Variants in PSMD1 observed in about 807,000 individuals in gnomAD.
PSMD1 encodes the protein 26S proteasome non-ATPase regulatory subunit 1.
In PSMD1, 18 loss-of-function variants were observed where a neutral mutation model predicts 119.0. That is an observed-to-expected ratio of 0.15 (90% CI 0.10 to 0.22). The LOEUF (loss-of-function observed/expected upper bound fraction) is 0.22, where lower values mean the gene tolerates loss of function less well. Ranked by LOEUF, PSMD1 falls within the 10% of genes least tolerant of loss-of-function variation. The pLI is 1.00. For missense variants in PSMD1, 702 were observed against 1,158.5 expected (o/e 0.61, Z 5.72); for synonymous variants, 374 against 396.6 (o/e 0.94, Z 0.68).
chr2:231,079,658 A>AT lies in PSMD1; in HGVS notation c.1239+44_1239+45insT, dbSNP rs1694257405. 3.1e-6 allele frequency: 4 copies of AT among 1,280,900 alleles called. No homozygotes were observed. The South Asian group carries it at 6.0e-5, about 19-fold the overall frequency. 79.3% of individuals were successfully genotyped at this position (1,280,900 alleles called of 1,614,324 possible). ...TGTATACAGGCATCAGAAAAGAAGT[A>AT]ATTTTTCTGGGGTTAAGAAAAAATA... On this transcript the variant is annotated intron_variant, in intron 11 of 24. Transcript: ENST00000308696.
At chr2:231,112,087 T>C (rs1437614290) in intron 16 of PSMD1, among the ~76,000 whole-genome samples, 1 of 152,190 alleles carries the variant, frequency 6.6e-6, no homozygotes, top group Non-Finnish European at 1.5e-5. Context: ...TTTTAATTAT[T>C]CTTAAGGATC....
rs1022529413 is a variant in PSMD1 at position 231,165,233 on chromosome 2, G to A, written c.2515G>A (p.Ala839Thr). The stretch of plus-strand genomic sequence containing the variant: ...TGCTGTATTATCTATAACTGCCAAG[G>A]CTAAAAAGAAGGAAAAAGAAAAGGA... ...STAVLSITAK[A>T]KKKEKEKEKK... is the part of the protein sequence containing the mutation. Residue 839 changes from alanine to threonine, a missense_variant, in exon 22 of 25, where the codon GCT (alanine) becomes ACT (threonine). Ala to Thr is a moderately conservative substitution (Grantham distance 58, BLOSUM62 0). Transcript: ENST00000308696. The A allele has an allele frequency of 1.2e-6, 2 of 1,607,074 alleles. No individual in the cohort carries two copies. The highest frequency in any genetic ancestry group is 2.2e-5 in the East Asian group (1 of 44,538).
At chr2:231,131,827 T>C (rs1695860747) in intron 16 of PSMD1, among the ~76,000 whole-genome samples, 1 of 150,946 alleles carries the variant, frequency 6.6e-6, no homozygotes, top group African/African-American at 2.4e-5. Flanking sequence ...TGCTGAAACA[T>C]TGAAATAAAC....
At chr2:231,135,390 T>C (rs1199854726) in intron 16 of PSMD1, among the ~76,000 whole-genome samples, 1 of 152,214 alleles carries the variant, frequency 6.6e-6, no homozygotes, top group Non-Finnish European at 1.5e-5. Flanking sequence ...ACAGAACTTC[T>C]AGTCCCATTC....
chr2:231,110,319 C>CA (rs908257461), intron 16 of PSMD1, among the ~76,000 whole-genome samples: 7 of 151,084 alleles, frequency 4.6e-5, no homozygotes, highest in Admixed American at 2.0e-4. Context: ...GACTCTGTCT[C>CA]AAAAAAAAAG....
intron 16 of PSMD1, among the ~76,000 whole-genome samples, chr2:231,136,535 A>G (rs556856248): frequency 6.6e-6 from 1 of 152,346 alleles, no homozygotes; most frequent in East Asian, 1.9e-4. Flanking sequence ...TGTCTTGTTC[A>G]CAGGTATCTC....
At chr2:231,101,702 C>G (rs549784514) in intron 16 of PSMD1, among the ~76,000 whole-genome samples, 1 of 152,296 alleles carries the variant, frequency 6.6e-6, no homozygotes, top group East Asian at 1.9e-4. Context: ...TTTCAGCAAC[C>G]ACCACCCTGA....
chr2:231,131,712 A>C lies in PSMD1; in HGVS notation c.1884-7024A>C, dbSNP rs1400533338. Among the ~76,000 whole-genome samples, 39 of 40,652 alleles carry C rather than the reference A, an allele frequency of 9.6e-4. 9 individuals are homozygous for C. The highest frequency in any genetic ancestry group is 2.8e-3 in the African/African-American group (4 of 1,424). The allele number at this position is 40,652 out of a possible 152,430, so 26.7% of individuals were successfully genotyped here. A position where few individuals can be genotyped will look rare whatever the true frequency, so the allele number is the denominator to read the frequency against. On this transcript the variant is annotated intron_variant, in intron 16 of 24. Transcript: ENST00000308696. ...GGGAGGCGGAGCTTGCAGTGAGCCG[A>C]GGTCCCGCCACTGCACTCCAGCCTG...
intron 7 of PSMD1, 119 bp from the exon 8 acceptor site, chr2:231,075,392 G>T: frequency 2.5e-6 from 2 of 809,952 alleles, no homozygotes; most frequent in Non-Finnish European, 3.8e-6. Context: ...TTTCTTAATG[G>T]TAATACTTTA....
At chr2:231,159,924 G>T (rs1160601205) in intron 19 of PSMD1, among the ~76,000 whole-genome samples, 1 of 152,176 alleles carries the variant, frequency 6.6e-6, no homozygotes, top group Non-Finnish European at 1.5e-5. Context: ...TCACAATAAG[G>T]TTCACATTCC....
At chr2:231,091,316 A>G (rs533447339) in intron 16 of PSMD1, among the ~76,000 whole-genome samples, 5 of 152,352 alleles carry the variant, frequency 3.3e-5, no homozygotes, top group African/African-American at 9.6e-5. Flanking sequence ...TTCCCTTGTT[A>G]TGTAACCCTT....
Position 231,155,539 on chromosome 2 carries a change from A to G in PSMD1, c.2218+1873A>G, listed in dbSNP as rs914175124. On this transcript the variant is annotated intron_variant, in intron 19 of 24. Coordinates refer to ENST00000308696, the MANE Select transcript of PSMD1 (RefSeq NM_002807.4). ...AAATCCATATCTCCTTTCTAATTTG[A>G]TTAATCCTTTTTTCTTTATTAGGTT... is the stretch of plus-strand genomic sequence containing the variant. 2.0e-5 allele frequency among the ~76,000 whole-genome samples: 3 copies of G among 150,864 alleles called. No individual in the cohort carries two copies. The East Asian group carries it at 5.8e-4, about 29-fold the overall frequency.
At chr2:231,075,179 C>G (rs1388369019) in intron 7 of PSMD1, among the ~76,000 whole-genome samples, 1 of 152,148 alleles carries the variant, frequency 6.6e-6, no homozygotes, top group Non-Finnish European at 1.5e-5. Context: ...GGGGTCCCAG[C>G]CCCTTCTTTT....
chr2:231,159,324 T>G lies in PSMD1; in HGVS notation c.2219-2016T>G, dbSNP rs562075172. On this transcript the variant is annotated intron_variant, in intron 19 of 24. Coordinates refer to ENST00000308696, the MANE Select transcript of PSMD1 (RefSeq NM_002807.4). ...AATGGTGTATTTTGTTTTGCCTGCC[T>G]AACAAAATTTGCAAGATTTTGGACA... Among the ~76,000 whole-genome samples, 4 of 152,328 alleles carry G rather than the reference T, an allele frequency of 2.6e-5. No homozygotes were observed. In the East Asian group the frequency reaches 7.7e-4, roughly 29 times the overall value.
intron 16 of PSMD1, among the ~76,000 whole-genome samples, chr2:231,103,418 T>C (rs1694914073): frequency 6.6e-6 from 1 of 152,190 alleles, no homozygotes; most frequent in Non-Finnish European, 1.5e-5. Context: ...TTGGGCCTGA[T>C]TGTTTCTTAA....
intron 12 of PSMD1, among the ~76,000 whole-genome samples, chr2:231,082,673 C>G (rs1437875108): frequency 4.6e-5 from 7 of 152,214 alleles, no homozygotes; most frequent in Non-Finnish European, 1.0e-4. Flanking sequence ...CCATTGCACT[C>G]CAGCCTGGGC....
intron 17 of PSMD1, among the ~76,000 whole-genome samples, chr2:231,144,734 A>G (rs1696213765): frequency 6.6e-6 from 1 of 152,094 alleles, no homozygotes; most frequent in Non-Finnish European, 1.5e-5. Flanking sequence ...AGGTTGAATT[A>G]TACAAATTTT....
intron 21 of PSMD1, 75 bp from the exon 22 acceptor site, chr2:231,165,125 G>C: frequency 1.0e-6 from 1 of 954,948 alleles, no homozygotes; most frequent in Non-Finnish European, 1.4e-6. Context: ...AGTGTTGTAG[G>C]ACTGAGTTCT....
At chr2:231,098,961 A>G (rs1029471293) in intron 16 of PSMD1, among the ~76,000 whole-genome samples, 23 of 152,126 alleles carry the variant, frequency 1.5e-4, no homozygotes, top group African/African-American at 5.3e-4. Context: ...TATCTTTTTT[A>G]CATTGTTCTA....
Sources: allele counts gnomAD v4.1 joint callset (sites outside exome capture counted in the v4.1 genomes callset), GRCh38; gene constraint gnomAD v4.1.1; transcripts MANE v1.5; gene names NCBI Gene and HGNC (gene_info 2026-07-23, HGNC 2026-07-21).